Variants in TDRD3 observed in about 807,000 individuals in gnomAD.
TDRD3 encodes tudor domain-containing protein 3.
TDRD3 carries 45 observed loss-of-function variants against 86.7 expected under a neutral mutation model. That is an observed-to-expected ratio of 0.52 (90% confidence interval 0.41 to 0.67). The LOEUF (loss-of-function observed/expected upper bound fraction) is 0.67, where lower values mean the gene tolerates loss of function less well. Among genes scored for constraint, TDRD3 ranks in the 30% least tolerant of loss-of-function variants. The pLI is 0.00. For missense variants in TDRD3, 814 were observed against 889.0 expected (o/e 0.92, Z 1.07); for synonymous variants, 298 against 301.7 (o/e 0.99, Z 0.13).
At position 60,397,255 on chromosome 13, in the gene TDRD3, G is replaced by GTT. The variant is rs1395404701; in HGVS notation, c.-105_-104dup. ...CCCAGTTGCAGAGCCGACCAGAGGA[G>GTT]TTTTTTCTTTTCTTTTCTTTTTTTT... is the stretch of plus-strand genomic sequence containing the variant. On this transcript the variant is annotated 5_prime_UTR_variant, in exon 1 of 14. An upstream open reading frame in the 5' UTR gains an earlier in-frame stop. Transcript: ENST00000377881. The GTT allele has an allele frequency of 3.1e-6, 2 of 639,938 alleles. No homozygotes were observed. The highest frequency in any genetic ancestry group is 3.9e-5 in the African/African-American group (2 of 51,702). 39.6% of individuals were successfully genotyped at this position (639,938 alleles called of 1,614,324 possible). A position where few individuals can be genotyped will look rare whatever the true frequency, so the allele number is the denominator to read the frequency against.
chr13:60,467,234 T>A lies in TDRD3; in HGVS notation c.354-4T>A, dbSNP rs1199749900. The A allele has an allele frequency of 1.2e-6, 2 of 1,612,614 alleles. No individual in the cohort carries two copies. The highest frequency in any genetic ancestry group is 4.5e-5 in the East Asian group (2 of 44,862). Reference sequence around the variant, plus strand: ...TGTTTTTAACACTTTTCTCTTTGCTTTAGCCTGAACACACCACCTGGAACT... The same window carrying A: ...TGTTTTTAACACTTTTCTCTTTGCTATAGCCTGAACACACCACCTGGAACT... On this transcript the variant is annotated splice_polypyrimidine_tract_variant and splice_region_variant and intron_variant, in intron 4 of 13. Coordinates refer to ENST00000377881, the MANE Select transcript of TDRD3 (RefSeq NM_001146070.2).
chr13:60,418,925 G>A (rs1320863149), intron 1 of TDRD3, among the ~76,000 whole-genome samples: 3 of 152,136 alleles, frequency 2.0e-5, no homozygotes, highest in African/African-American at 7.2e-5. Context: ...AGTAGTTCCT[G>A]TTTGAGTATA....
At chr13:60,424,170 C>T (rs1405648064) in intron 1 of TDRD3, among the ~76,000 whole-genome samples, 2 of 151,704 alleles carry the variant, frequency 1.3e-5, no homozygotes, top group Non-Finnish European at 2.9e-5. Flanking sequence ...TACAGGCGCC[C>T]GCCACCATGC....
intron 11 of TDRD3, among the ~76,000 whole-genome samples, chr13:60,534,876 C>G (rs1345113509): frequency 7.3e-6 from 1 of 136,952 alleles, no homozygotes; most frequent in Non-Finnish European, 1.5e-5. Flanking sequence ...TGCAGTGAGC[C>G]AAGATCTTGC....
At chr13:60,509,508 C>T (rs1371629892) in intron 8 of TDRD3, 4 of 411,718 alleles carry the variant, frequency 9.7e-6, no homozygotes, top group African/African-American at 6.1e-5. Context: ...TCTAACATAT[C>T]ATAAAATTTA....
intron 1 of TDRD3, among the ~76,000 whole-genome samples, chr13:60,404,332 A>T (rs1954178951): frequency 7.2e-6 from 1 of 139,132 alleles, no homozygotes; most frequent in African/African-American, 2.7e-5. Flanking sequence ...TTTTTTTGAG[A>T]CGGAGTCTCG....
intron 13 of TDRD3, among the ~76,000 whole-genome samples, chr13:60,572,550 CT>C (rs1851205602): frequency 1.3e-5 from 2 of 152,260 alleles, no homozygotes; most frequent in South Asian, 4.1e-4. Context: ...TGCAGGAAGC[CT>C]TTGTAAGACA....
At chr13:60,518,684 T>C (rs1237157839) in intron 10 of TDRD3, among the ~76,000 whole-genome samples, 3 of 152,222 alleles carry the variant, frequency 2.0e-5, no homozygotes, top group Non-Finnish European at 4.4e-5. Flanking sequence ...CTTCATCTTT[T>C]ATGAACCTTA....
At chr13:60,489,633 ATAC>A (rs1426568336) in intron 7 of TDRD3, among the ~76,000 whole-genome samples, 1 of 152,196 alleles carries the variant, frequency 6.6e-6, no homozygotes, top group Admixed American at 6.5e-5. Flanking sequence ...TTTAGAGCTA[ATAC>A]TACTGCTACT....
At chr13:60,465,099 C>T (rs1468205298) in intron 4 of TDRD3, among the ~76,000 whole-genome samples, 1 of 151,850 alleles carries the variant, frequency 6.6e-6, no homozygotes, top group Admixed American at 6.6e-5. Context: ...AAAATTTAGC[C>T]CCTAATTCCT....
chr13:60,548,608 G>A lies in TDRD3; in HGVS notation c.2118+13375G>A, dbSNP rs550400708. The stretch of plus-strand genomic sequence containing the variant: ...TGAACCATTCACTTATGCTCAATAT[G>A]GTTTCTTGCTGAAGTAGCAGTGTCA... On this transcript the variant is annotated intron_variant, in intron 12 of 13. Coordinates refer to ENST00000377881, the MANE Select transcript of TDRD3 (RefSeq NM_001146070.2). Among the ~76,000 whole-genome samples the A allele has an allele frequency of 5.9e-5, 9 of 151,994 alleles. No homozygotes were observed. The East Asian group carries it at 1.5e-3, about 26-fold the overall frequency.
intron 10 of TDRD3, among the ~76,000 whole-genome samples, chr13:60,522,050 T>A (rs1464441321): frequency 6.6e-6 from 1 of 152,158 alleles, no homozygotes; most frequent in Non-Finnish European, 1.5e-5. Flanking sequence ...TTTTTTACTT[T>A]TTAAATATTT....
At chr13:60,467,469 C>T in intron 5 of TDRD3, 90 bp downstream of exon 5, 1 of 1,441,302 alleles carries the variant, frequency 6.9e-7, no homozygotes, top group Non-Finnish European at 9.5e-7. Context: ...AAAATTAGTT[C>T]TTTGTGTCGG....
intron 7 of TDRD3, among the ~76,000 whole-genome samples, chr13:60,493,474 C>T (rs1388069649): frequency 5.9e-5 from 9 of 151,846 alleles, no homozygotes; most frequent in Non-Finnish European, 8.8e-5. Context: ...CCAGCCTGGC[C>T]AACATGGTGA....
At chr13:60,397,559 G>A (rs1184184015) in intron 1 of TDRD3, among the ~76,000 whole-genome samples, 154 bp downstream of exon 1, 2 of 149,526 alleles carry the variant, frequency 1.3e-5, no homozygotes, top group Non-Finnish European at 3.0e-5. Context: ...CTCCGCCCCC[G>A]GCGCCACGCG....
At chr13:60,483,912 C>T in intron 6 of TDRD3, 66 bp downstream of exon 6, 5 of 1,480,370 alleles carry the variant, frequency 3.4e-6, no homozygotes, top group Non-Finnish European at 4.7e-6. Context: ...AGCATTCAAG[C>T]TGTGTTTCAT....
chr13:60,513,836 T>C (rs1957110699), intron 10 of TDRD3, among the ~76,000 whole-genome samples: 1 of 152,238 alleles, frequency 6.6e-6, no homozygotes, highest in Non-Finnish European at 1.5e-5. Flanking sequence ...CCATAAACTC[T>C]TTTTCCTGTA....
intron 1 of TDRD3, among the ~76,000 whole-genome samples, chr13:60,400,978 T>C (rs1032001559): frequency 6.6e-6 from 1 of 152,160 alleles, no homozygotes; most frequent in African/African-American, 2.4e-5. Flanking sequence ...CATTTAAAAA[T>C]TGAAAATTGG....
At chr13:60,547,484 G>A in intron 12 of TDRD3, 1 of 875,660 alleles carries the variant, frequency 1.1e-6, no homozygotes, top group Non-Finnish European at 1.4e-6. Flanking sequence ...CTACCTATGT[G>A]ACTTTGGGTA....
Sources: gnomAD v4.1 joint callset for allele counts (sites outside exome capture counted in the v4.1 genomes callset) on GRCh38, gnomAD v4.1.1 for gene constraint, MANE v1.5 for transcripts, NCBI Gene and HGNC (gene_info 2026-07-23, HGNC 2026-07-21) for gene names.